Variants in MYLK4 observed in about 807,000 individuals in gnomAD.
The protein encoded by MYLK4 is myosin light chain kinase family member 4.
Under a neutral mutation model 48.1 loss-of-function variants are expected in MYLK4, and 46 were observed. The observed-to-expected ratio is 0.96, with a 90% CI of 0.75 to 1.22. MYLK4 has a LOEUF of 1.22. Among genes scored for constraint, MYLK4 ranks in the 50% most tolerant of loss-of-function variants. MYLK4 has a pLI of 0.00. For missense variants in MYLK4, 451 were observed against 486.1 expected, an observed-to-expected ratio of 0.93 and a Z score of 0.68; for synonymous variants, 170 against 180.8, an observed-to-expected ratio of 0.94 and a Z score of 0.48.
intron 2 of MYLK4, among the ~76,000 whole-genome samples, chr6:2,697,176 A>C (rs771653326): frequency 6.6e-6 from 1 of 152,236 alleles, no homozygotes; most frequent in Non-Finnish European, 1.5e-5. Context: ...TGGCAGCACA[A>C]AATCAAAATA....
At chr6:2,763,749 A>G in the MYLK4 span, among the ~76,000 whole-genome samples, 1 of 152,162 alleles carries the variant, frequency 6.6e-6, no homozygotes, top group Non-Finnish European at 1.5e-5. Context: ...TTTCGCAACC[A>G]CGGCCGGAGT....
At chr6:2,690,067 A>G (rs1761714286) in intron 3 of MYLK4, among the ~76,000 whole-genome samples, 1 of 152,196 alleles carries the variant, frequency 6.6e-6, no homozygotes, top group Non-Finnish European at 1.5e-5. Context: ...CTGTTAGACT[A>G]AATGAAATTT....
In MYLK4 at chr6:2,667,735, G is replaced by A. The variant is rs745498082; in HGVS notation, c.*190C>T. 1 of 152,630 alleles carries A rather than the reference G, an allele frequency of 6.6e-6. No homozygotes were observed. Among genetic ancestry groups the A allele is most frequent in the Non-Finnish European group, 1.5e-5 (1 of 68,046 alleles). 9.5% of individuals were successfully genotyped at this position (152,630 alleles called of 1,614,324 possible). A position where few individuals can be genotyped will look rare whatever the true frequency, so the allele number is the denominator to read the frequency against. On this transcript the variant is annotated 3_prime_UTR_variant, in exon 13 of 13. Transcript: ENST00000274643. ...TTGCGCCCTGAGACCAGACCGCAGC[G>A]CTGGGTGTTCCTCTGAGCGCAGCAG...
intron 2 of MYLK4, among the ~76,000 whole-genome samples, chr6:2,719,033 T>C (rs1040252465): frequency 6.6e-6 from 1 of 152,186 alleles, no homozygotes; most frequent in Non-Finnish European, 1.5e-5. Flanking sequence ...TGACATTACT[T>C]TGGACTGTTC....
intron 2 of MYLK4, among the ~76,000 whole-genome samples, chr6:2,713,038 A>G (rs984191889): frequency 1.3e-5 from 2 of 152,334 alleles, no homozygotes; most frequent in Non-Finnish European, 2.9e-5. Context: ...TTGTGAGGCC[A>G]AGATACAGTG....
chr6:2,742,169 G>A (rs1763919352), intron 2 of MYLK4, among the ~76,000 whole-genome samples: 1 of 152,140 alleles, frequency 6.6e-6, no homozygotes, highest in South Asian at 2.1e-4. Flanking sequence ...GCCATTCCAA[G>A]ATTGGGCAAT....
intron 2 of MYLK4, among the ~76,000 whole-genome samples, chr6:2,716,433 A>T (rs1003250340): frequency 1.3e-5 from 2 of 152,242 alleles, no homozygotes; most frequent in Non-Finnish European, 2.9e-5. Flanking sequence ...CATCTCAAAG[A>T]AATCACAAGA....
chr6:2,766,457 T>TGC, the MYLK4 span: 7 of 1,502,210 alleles, frequency 4.7e-6, no homozygotes, highest in African/African-American at 6.9e-5. Flanking sequence ...GAGTGCGGCC[T>TGC]TGGCCGTTGG....
At chr6:2,767,429 C>T in the MYLK4 span, among the ~76,000 whole-genome samples, 11 of 152,216 alleles carry the variant, frequency 7.2e-5, no homozygotes, top group Admixed American at 6.5e-4. Flanking sequence ...TCCTATTTTT[C>T]TTTCTAGCTT....
intron 2 of MYLK4, among the ~76,000 whole-genome samples, chr6:2,732,100 C>T (rs369026834): frequency 9.2e-5 from 14 of 152,244 alleles, no homozygotes; most frequent in Non-Finnish European, 1.3e-4. Context: ...GCCTCTAAGA[C>T]GTATGCTGGC....
At chr6:2,690,899 G>T (rs1016682766) in intron 3 of MYLK4, among the ~76,000 whole-genome samples, 16 of 140,498 alleles carry the variant, frequency 1.1e-4, no homozygotes, top group South Asian at 2.2e-4. Flanking sequence ...GCGCGATCTC[G>T]GCTCACTGCA....
chr6:2,723,712 C>T (rs1355577206), intron 2 of MYLK4, among the ~76,000 whole-genome samples: 1 of 152,184 alleles, frequency 6.6e-6, no homozygotes, highest in Non-Finnish European at 1.5e-5. Flanking sequence ...AGCTCTGCCT[C>T]CAGTCATCTC....
intron 1 of MYLK4, among the ~76,000 whole-genome samples, chr6:2,750,163 A>T (rs1363909579): frequency 6.6e-6 from 1 of 152,220 alleles, no homozygotes; most frequent in Admixed American, 6.5e-5. Flanking sequence ...CGCATGGCTG[A>T]CAACTGAGGC....
upstream of MYLK4, chr6:2,750,958 C>T (rs530556850): frequency 5.9e-5 from 9 of 152,744 alleles, no homozygotes; most frequent in East Asian, 1.7e-3. Context: ...ATTAATATGG[C>T]TCTTGATCTC....
the MYLK4 span, chr6:2,768,544 T>A: frequency 9.8e-6 from 5 of 511,960 alleles, no homozygotes; most frequent in South Asian, 1.9e-4. Context: ...TCCTGTGGTA[T>A]TTTTGATTGT....
upstream of MYLK4, among the ~76,000 whole-genome samples, chr6:2,755,466 A>T (rs1764407854): frequency 6.6e-6 from 1 of 152,236 alleles, no homozygotes; most frequent in South Asian, 2.1e-4. Context: ...CTACTCAAAA[A>T]TTACATAGCG....
chr6:2,677,720 G>A (rs144739569), intron 10 of MYLK4, among the ~76,000 whole-genome samples: 1,806 of 152,274 alleles, frequency 0.012, 14 homozygotes, highest in Middle Eastern at 0.041. Context: ...AATTACTGGC[G>A]GTATGATGAT....
the MYLK4 span, chr6:2,765,585 TGCGGCCGCGCCGGGCGCCGGGGAGGGCG>T: frequency 6.9e-6 from 10 of 1,455,640 alleles, no homozygotes; most frequent in Non-Finnish European, 9.0e-6. Context: ...CACGGGTTGC[TGCGGCCGCGCCGGGCGCCGGGGAGGGCG>T]GCGGCCGCCA....
chr6:2,757,686 G>A, the MYLK4 span, among the ~76,000 whole-genome samples: 1 of 151,862 alleles, frequency 6.6e-6, no homozygotes, highest in African/African-American at 2.4e-5. Context: ...CACAGTAGAT[G>A]CAATAGGATC....
Sources: gnomAD v4.1 joint callset for allele counts (sites outside exome capture counted in the v4.1 genomes callset) on GRCh38, gnomAD v4.1.1 for gene constraint, MANE v1.5 for transcripts, NCBI Gene and HGNC (gene_info 2026-07-23, HGNC 2026-07-21) for gene names.